Variants in SLC22A8 observed in about 807,000 individuals in gnomAD.
SLC22A8 encodes the protein solute carrier family 22 member 8.
SLC22A8 carries 40 observed loss-of-function variants against 48.4 expected under a neutral mutation model. The ratio of observed to expected loss-of-function variants is 0.83; its 90% confidence interval spans 0.64 to 1.08. The LOEUF is 1.08. Among genes scored for constraint, SLC22A8 ranks in the 50% least tolerant of loss-of-function variants. The probability of loss-of-function intolerance (pLI) is 0.00; values close to 1 mark genes in which losing one functional copy is unlikely to be tolerated. For missense variants in SLC22A8, 606 were observed against 699.0 expected, an observed-to-expected ratio of 0.87 and a Z score of 1.50; for synonymous variants, 268 against 286.3, an observed-to-expected ratio of 0.94 and a Z score of 0.65.
chr11:63,007,861 C>T (rs1321233058), intron 2 of SLC22A8, among the ~76,000 whole-genome samples: 1 of 152,176 alleles, frequency 6.6e-6, no homozygotes, highest in Non-Finnish European at 1.5e-5. Flanking sequence ...TTTTTATAGA[C>T]AAAGAACCTG....
At chr11:63,003,075 G>T (rs557814486) in intron 2 of SLC22A8, among the ~76,000 whole-genome samples, 12 of 152,220 alleles carry the variant, frequency 7.9e-5, no homozygotes, top group African/African-American at 2.9e-4. Flanking sequence ...GCTTCTCCTT[G>T]CCCTTTCGGT....
rs549448703 is a variant in SLC22A8 at position 63,014,544 on chromosome 11, C to T, written c.333+82G>A. The T allele has an allele frequency of 2.9e-5, 37 of 1,286,230 alleles. No individual in the cohort carries two copies. The East Asian group carries it at 4.4e-4, about 15-fold the overall frequency. The allele number at this position is 1,286,230 out of a possible 1,614,324, so 79.7% of individuals were successfully genotyped here. On this transcript the variant is annotated intron_variant, in intron 2 of 10. Transcript: ENST00000336232. ...CCTCAGTTCCTGGGAACACCAGACCCCAGCCTCCTCTGCTGCCCACCAGCG... is the reference window on the plus strand; with the variant it reads ...CCTCAGTTCCTGGGAACACCAGACCTCAGCCTCCTCTGCTGCCCACCAGCG...
intron 2 of SLC22A8, chr11:63,001,098 T>G: frequency 2.4e-6 from 1 of 414,520 alleles, no homozygotes; most frequent in Non-Finnish European, 4.5e-6. Context: ...CCTCAACTGC[T>G]TCCTCCTCTC....
At chr11:62,999,319 G>A (rs1229381739) in intron 4 of SLC22A8, 1 of 526,768 alleles carries the variant, frequency 1.9e-6, no homozygotes, top group Non-Finnish European at 3.4e-6. Context: ...TCAAACCTAG[G>A]TGTGTCTGTT....
intron 4 of SLC22A8, 69 bp downstream of exon 4, chr11:62,999,617 CAG>C: frequency 7.6e-7 from 1 of 1,323,970 alleles, no homozygotes; most frequent in Non-Finnish European, 1.0e-6. Flanking sequence ...GAGCCAGACC[CAG>C]ACCCCATTCT....
intron 8 of SLC22A8, 48 bp from the exon 9 acceptor site, chr11:62,993,926 A>G (rs779712817): frequency 8.7e-6 from 10 of 1,154,148 alleles, no homozygotes; most frequent in Non-Finnish European, 9.2e-6. Flanking sequence ...AGGAGCACCT[A>G]AGAGTTCTCA....
rs756596830 is a variant in SLC22A8, at chr11:62,998,883, C to T, written c.761+38G>A. ...TGGGCTCCCCTGTTTGGCCCTGGGG[C>T]ACCTAAGGAAACAGATGAAGAGGAG... is the stretch of plus-strand genomic sequence containing the variant. On this transcript the variant is annotated intron_variant, in intron 5 of 10. Transcript: ENST00000336232. 2.0e-5 allele frequency: 31 copies of T among 1,564,064 alleles called. 2 individuals are homozygous for T. The South Asian group carries it at 2.8e-4, about 14-fold the overall frequency.
At chr11:63,015,510 G>T (rs938382759) in intron 1 of SLC22A8, among the ~76,000 whole-genome samples, 1 of 152,242 alleles carries the variant, frequency 6.6e-6, no homozygotes, top group African/African-American at 2.4e-5. Context: ...GGTTAGCAGA[G>T]TTCAGGTTGT....
intron 5 of SLC22A8, among the ~76,000 whole-genome samples, chr11:62,996,518 C>T (rs567654015): frequency 2.8e-4 from 42 of 152,304 alleles, no homozygotes; most frequent in Non-Finnish European, 5.6e-4. Context: ...CCTGCACATC[C>T]ACCTCCCCAG....
chr11:63,005,267 A>T (rs1488591700), intron 2 of SLC22A8, among the ~76,000 whole-genome samples: 1 of 152,238 alleles, frequency 6.6e-6, no homozygotes, highest in African/African-American at 2.4e-5. Flanking sequence ...TTCCCTGAAG[A>T]CCAACACAAA....
At chr11:63,011,675 C>T (rs1015399028) in intron 2 of SLC22A8, among the ~76,000 whole-genome samples, 4 of 152,164 alleles carry the variant, frequency 2.6e-5, no homozygotes, top group Non-Finnish European at 5.9e-5. Flanking sequence ...TCGTCTTTGT[C>T]CTGGATCCCT....
chr11:63,000,574 T>C lies in SLC22A8; in HGVS notation c.437+146A>G, dbSNP rs1017188847. On this transcript the variant is annotated intron_variant, in intron 3 of 10. Transcript: ENST00000336232. ...GAGAGAAGGCTGTGGTCCAGAAAGG[T>C]AGTGAGGTTTGCCCAAGGCCACACA... is the stretch of plus-strand genomic sequence containing the variant. The C allele has an allele frequency of 1.4e-5, 8 of 579,084 alleles. No homozygotes were observed. The South Asian group carries it at 1.6e-4, about 12-fold the overall frequency. The allele number at this position is 579,084 out of a possible 1,614,324, so 35.9% of individuals were successfully genotyped here.
Position 62,994,956 on chromosome 11 carries a change from A to C in SLC22A8, c.1002-200T>G, listed in dbSNP as rs2086397514. On this transcript the variant is annotated intron_variant, in intron 7 of 10. Coordinates refer to ENST00000336232, the MANE Select transcript of SLC22A8 (RefSeq NM_004254.4). ...GAGAAAGTGCTGTGATTGACTGGTC[A>C]TGTCTGACGTGGGCATGGTCCAGGG... 2.8e-5 allele frequency: 17 copies of C among 613,466 alleles called. No individual in the cohort carries two copies. The South Asian group carries it at 3.2e-4, about 11-fold the overall frequency. The allele number at this position is 613,466 out of a possible 1,614,324, so 38.0% of individuals were successfully genotyped here. A position where few individuals can be genotyped will look rare whatever the true frequency, so the allele number is the denominator to read the frequency against.
intron 2 of SLC22A8, among the ~76,000 whole-genome samples, chr11:63,004,645 C>T (rs2086535169): frequency 6.6e-6 from 1 of 152,242 alleles, no homozygotes; most frequent in South Asian, 2.1e-4. Flanking sequence ...CTTATACCAT[C>T]AGAATGCTGA....
In SLC22A8 at chr11:62,995,817, C is replaced by G. The variant is rs2086410775; in HGVS notation, c.888G>C (p.Glu296Asp). The change falls in exon 7 of 11, where the codon GAG (glutamate) becomes GAC (aspartate). Residue 296 changes from glutamate (E) to aspartate (D), a missense_variant and splice_region_variant. By Grantham distance (45) the Glu-to-Asp change is conservative. Coordinates refer to ENST00000336232, the MANE Select transcript of SLC22A8 (RefSeq NM_004254.4). ...KEEGERLSLE[E>D]LKLNLQKEIS... is the part of the protein sequence containing the mutation. ...TCTCCTTCTGCAGGTTGAGTTTGAG[C>G]TCCTTCGGGCAGAGGAGGGGGAGGG... is the stretch of plus-strand genomic sequence containing the variant. 1 of 1,612,214 alleles carries G rather than the reference C, an allele frequency of 6.2e-7. No homozygotes were observed. The highest frequency in any genetic ancestry group is 1.1e-5 in the South Asian group (1 of 91,056).
intron 3 of SLC22A8, among the ~76,000 whole-genome samples, chr11:63,000,076 CTGAGCAGGGGTCAAAGG>C (rs2086473792): frequency 6.6e-6 from 1 of 152,246 alleles, no homozygotes; most frequent in Non-Finnish European, 1.5e-5. Context: ...GCTTAGCTGA[CTGAGCAGGGGTCAAAGG>C]ACCGCCCATC....
At chr11:62,995,127 C>T (rs2086399829) in intron 7 of SLC22A8, 2 of 335,496 alleles carry the variant, frequency 6.0e-6, no homozygotes, top group Non-Finnish European at 1.1e-5. Context: ...GAGCTGTATG[C>T]CTGGGTCAGA....
intron 5 of SLC22A8, among the ~76,000 whole-genome samples, chr11:62,996,464 G>A (rs540462182): frequency 6.6e-6 from 1 of 152,194 alleles, no homozygotes; most frequent in African/African-American, 2.4e-5. Flanking sequence ...GGTGGGGCTG[G>A]GGGAGGGGAT....
Position 62,993,805 on chromosome 11 carries a change from G to A in SLC22A8, c.1290C>T (p.Phe430=). 6.2e-7 allele frequency: 1 copy of A among 1,613,862 alleles called. No individual in the cohort carries two copies. The highest frequency in any genetic ancestry group is 8.5e-7 in the Non-Finnish European group (1 of 1,179,734). The change falls in exon 9 of 11, where the codon TTC becomes TTT. Residue 430 remains phenylalanine (F), a synonymous_variant. Transcript: ENST00000336232. ...GCLSSSFSCL[F]LYTSELYPTV... Reference sequence around the variant, plus strand: ...TGGGGTATAATTCACTTGTGTAGAGGAAGAGGCAGCTGAAGGAGCTGGATA... The same window carrying A: ...TGGGGTATAATTCACTTGTGTAGAGAAAGAGGCAGCTGAAGGAGCTGGATA...
Sources: gnomAD v4.1 joint callset for allele counts (sites outside exome capture counted in the v4.1 genomes callset) on GRCh38, gnomAD v4.1.1 for gene constraint, MANE v1.5 for transcripts, NCBI Gene and HGNC (gene_info 2026-07-23, HGNC 2026-07-21) for gene names.